CSMD1: variants seen among roughly 807,000 people sequenced by gnomAD.
CSMD1 encodes the protein CUB and Sushi multiple domains 1.
A neutral mutation model predicts 417.5 loss-of-function variants in CSMD1; 213 were observed. The observed-to-expected ratio is 0.51, with a 90% CI of 0.46 to 0.57. CSMD1 has a LOEUF of 0.57. Among genes scored for constraint, CSMD1 ranks in the 20% least tolerant of loss-of-function variants. CSMD1 has a pLI of 0.00. For synonymous variants in CSMD1, 2,862 were observed against 1,736.8 expected, an observed-to-expected ratio of 1.65 and a Z score of -16.11; for missense variants, 6,923 against 4,529.7, an observed-to-expected ratio of 1.53 and a Z score of -15.17.
chr8:4,176,730 G>A (rs1798066461), intron 3 of CSMD1, among the ~76,000 whole-genome samples: 2 of 150,356 alleles, frequency 1.3e-5, no homozygotes, highest in Non-Finnish European at 3.0e-5. Context: ...AAAGGATGGA[G>A]GAAGATCTAC....
chr8:4,899,178 A>T (rs777224944), intron 1 of CSMD1, among the ~76,000 whole-genome samples: 1 of 152,212 alleles, frequency 6.6e-6, no homozygotes, highest in Non-Finnish European at 1.5e-5. Flanking sequence ...CTGCATTTAT[A>T]TGTGTGGGTA....
At chr8:3,825,191 T>C (rs1157091413) in intron 5 of CSMD1, among the ~76,000 whole-genome samples, 9 of 152,104 alleles carry the variant, frequency 5.9e-5, no homozygotes, top group African/African-American at 2.4e-5. Flanking sequence ...AGCGTGCTGA[T>C]TCCCTGAAGG....
intron 1 of CSMD1, among the ~76,000 whole-genome samples, chr8:4,957,174 A>G (rs991938362): frequency 2.0e-5 from 3 of 152,230 alleles, no homozygotes; most frequent in African/African-American, 7.2e-5. Context: ...GTGACAACTG[A>G]AAAACACTGA....
chr8:4,046,202 A>C (rs1408384090), intron 3 of CSMD1, among the ~76,000 whole-genome samples: 2 of 152,158 alleles, frequency 1.3e-5, no homozygotes, highest in Non-Finnish European at 2.9e-5. Flanking sequence ...GTGTGTGTAG[A>C]AAATAATAAA....
intron 12 of CSMD1, among the ~76,000 whole-genome samples, chr8:3,465,631 G>A (rs552960527): frequency 4.6e-5 from 7 of 152,292 alleles, no homozygotes; most frequent in South Asian, 2.1e-4. Context: ...GAGGGTCCCC[G>A]AAATATTTTA....
intron 2 of CSMD1, among the ~76,000 whole-genome samples, chr8:4,541,979 G>A (rs1344721576): frequency 2.6e-5 from 4 of 152,132 alleles, no homozygotes; most frequent in Admixed American, 2.0e-4. Flanking sequence ...GACCTCAGAT[G>A]TGGAGGAAGA....
At chr8:4,879,738 T>C (rs1270431410) in intron 1 of CSMD1, among the ~76,000 whole-genome samples, 1 of 152,062 alleles carries the variant, frequency 6.6e-6, no homozygotes, top group African/African-American at 2.4e-5. Context: ...ATTGGGACTT[T>C]CATAATGTTA....
chr8:3,825,255 T>A (rs1801986339), intron 5 of CSMD1, among the ~76,000 whole-genome samples: 1 of 151,984 alleles, frequency 6.6e-6, no homozygotes, highest in African/African-American at 2.4e-5. Context: ...AGAGGCCGGG[T>A]GTGGTGGCTC....
intron 1 of CSMD1, among the ~76,000 whole-genome samples, chr8:4,831,915 C>T (rs531050083): frequency 1.3e-5 from 2 of 152,042 alleles, no homozygotes; most frequent in African/African-American, 4.8e-5. Context: ...CAGACACACT[C>T]CCCTGAAAGC....
intron 41 of CSMD1, among the ~76,000 whole-genome samples, chr8:3,120,084 G>C (rs914211585): frequency 6.6e-6 from 1 of 152,146 alleles, no homozygotes; most frequent in Admixed American, 6.6e-5. Context: ...GCTGGAAAAG[G>C]AAACAGTATA....
intron 3 of CSMD1, among the ~76,000 whole-genome samples, chr8:4,293,440 A>T (rs533189950): frequency 6.6e-6 from 1 of 152,364 alleles, no homozygotes; most frequent in South Asian, 2.1e-4. Context: ...TTTTAAAAAA[A>T]TTAATTACAC....
At chr8:4,429,831 C>A (rs912912650) in intron 2 of CSMD1, among the ~76,000 whole-genome samples, 3 of 152,050 alleles carry the variant, frequency 2.0e-5, no homozygotes, top group African/African-American at 4.8e-5. Flanking sequence ...CTCATTGGCT[C>A]GGGAAGAAAT....
intron 12 of CSMD1, among the ~76,000 whole-genome samples, chr8:3,427,937 G>C (rs1250227821): frequency 1.3e-5 from 2 of 152,176 alleles, no homozygotes; most frequent in Non-Finnish European, 2.9e-5. Context: ...CGCCCTTGCA[G>C]AATCAGGAAT....
intron 1 of CSMD1, among the ~76,000 whole-genome samples, chr8:4,801,493 G>A (rs988396471): frequency 2.6e-5 from 4 of 151,840 alleles, no homozygotes; most frequent in Non-Finnish European, 5.9e-5. Flanking sequence ...ATTGAGGGGC[G>A]CAAGTACTTA....
At chr8:3,915,472 G>A (rs1242463195) in intron 5 of CSMD1, among the ~76,000 whole-genome samples, 2 of 150,986 alleles carry the variant, frequency 1.3e-5, no homozygotes, top group Admixed American at 1.3e-4. Flanking sequence ...AAGGACTTCA[G>A]GGAAGTGCAG....
intron 18 of CSMD1, 75 bp from the exon 19 acceptor site, chr8:3,369,445 G>A: frequency 1.4e-6 from 1 of 722,046 alleles, no homozygotes; most frequent in Non-Finnish European, 2.4e-6. Flanking sequence ...CTGGTTAAAT[G>A]GCATGCAATT....
At chr8:3,618,053 G>C (rs1004483689) in intron 7 of CSMD1, among the ~76,000 whole-genome samples, 1 of 152,102 alleles carries the variant, frequency 6.6e-6, no homozygotes, top group Non-Finnish European at 1.5e-5. Context: ...CCAGGTGGGA[G>C]TGCAGTGGCA....
At chr8:4,647,654 G>A (rs117195222) in intron 1 of CSMD1, among the ~76,000 whole-genome samples, 2 of 151,994 alleles carry the variant, frequency 1.3e-5, no homozygotes, top group African/African-American at 4.8e-5. Flanking sequence ...TTGTGAGTTA[G>A]AATATGTGGT....
chr8:3,975,939 T>C (rs990622147), intron 5 of CSMD1, among the ~76,000 whole-genome samples: 2 of 152,298 alleles, frequency 1.3e-5, no homozygotes, highest in East Asian at 3.9e-4. Flanking sequence ...TTGCAGTATG[T>C]TTTATCTATC....
Sources: allele counts gnomAD v4.1 joint callset (sites outside exome capture counted in the v4.1 genomes callset), GRCh38; gene constraint gnomAD v4.1.1; transcripts MANE v1.5; gene names NCBI Gene and HGNC (gene_info 2026-07-23, HGNC 2026-07-21).